CAB39L: variants seen among roughly 807,000 people sequenced by gnomAD.
The protein encoded by CAB39L is calcium binding protein 39 like.
A neutral mutation model predicts 39.1 loss-of-function variants in CAB39L; 23 were observed. The observed-to-expected ratio is 0.59, with a 90% confidence interval of 0.42 to 0.83. The LOEUF is 0.83. CAB39L is among the 40% of genes least tolerant of loss of function. CAB39L has a pLI of 0.00. For synonymous variants in CAB39L, 126 were observed against 137.2 expected (o/e 0.92, Z 0.57); for missense variants, 366 against 391.9 (o/e 0.93, Z 0.56).
At chr13:49,349,411 A>T (rs1955274410) in intron 7 of CAB39L, among the ~76,000 whole-genome samples, 1 of 151,028 alleles carries the variant, frequency 6.6e-6, no homozygotes. Context: ...TGTAAATAGA[A>T]CAATTAAATT....
At chr13:49,411,788 C>A (rs1271807780) in intron 3 of CAB39L, among the ~76,000 whole-genome samples, 1 of 152,096 alleles carries the variant, frequency 6.6e-6, no homozygotes, top group Non-Finnish European at 1.5e-5. Context: ...AAGCTGGAGA[C>A]CCATTCCTTA....
chr13:49,329,565 A>G (rs1414083978), intron 10 of CAB39L, among the ~76,000 whole-genome samples: 1 of 45,366 alleles, frequency 2.2e-5, no homozygotes, highest in Admixed American at 1.7e-4. Context: ...ATATATATAT[A>G]TATATATATA....
chr13:49,337,438 C>T (rs1175755964), intron 9 of CAB39L, among the ~76,000 whole-genome samples: 1 of 152,172 alleles, frequency 6.6e-6, no homozygotes, highest in Non-Finnish European at 1.5e-5. Flanking sequence ...TCTCCCTCCC[C>T]TCAGGGGCTC....
At chr13:49,339,609 A>G in intron 9 of CAB39L, 68 bp downstream of exon 9, 1 of 1,418,242 alleles carries the variant, frequency 7.1e-7, no homozygotes, top group Non-Finnish European at 9.2e-7. Flanking sequence ...TCATATACTA[A>G]TAGACCCGTC....
intron 10 of CAB39L, among the ~76,000 whole-genome samples, chr13:49,316,457 A>G (rs1954160689): frequency 6.6e-6 from 1 of 152,196 alleles, no homozygotes; most frequent in African/African-American, 2.4e-5. Flanking sequence ...AAATGGGAAC[A>G]CTTCCTAACT....
chr13:49,432,636 C>T (rs376095394), intron 3 of CAB39L, among the ~76,000 whole-genome samples: 1 of 152,024 alleles, frequency 6.6e-6, no homozygotes, highest in African/African-American at 2.4e-5. Context: ...ATGCATTGAT[C>T]GTACATTCCT....
intron 10 of CAB39L, among the ~76,000 whole-genome samples, chr13:49,312,515 G>A (rs995598442): frequency 7.2e-5 from 11 of 152,208 alleles, no homozygotes; most frequent in African/African-American, 2.7e-4. Flanking sequence ...ACAGGTTTGT[G>A]CTCTAGGCGC....
intron 3 of CAB39L, among the ~76,000 whole-genome samples, chr13:49,402,704 T>C (rs137951015): frequency 1.3e-5 from 2 of 152,260 alleles, no homozygotes; most frequent in Admixed American, 1.3e-4. Flanking sequence ...GAAAAATAAG[T>C]CAGTAAAAGT....
At chr13:49,358,453 G>C (rs1459126473) in intron 6 of CAB39L, among the ~76,000 whole-genome samples, 2 of 152,108 alleles carry the variant, frequency 1.3e-5, no homozygotes, top group African/African-American at 4.8e-5. Context: ...TGAAAAATTA[G>C]TATAAGCCCA....
At chr13:49,344,094 G>T in intron 8 of CAB39L, 85 bp downstream of exon 8, 1 of 812,974 alleles carries the variant, frequency 1.2e-6, no homozygotes, top group African/African-American at 1.7e-5. Flanking sequence ...TTCTCTTGTG[G>T]ATAATTCACA....
chr13:49,312,221 GA>G (rs936219572), intron 10 of CAB39L, among the ~76,000 whole-genome samples: 2 of 151,948 alleles, frequency 1.3e-5, no homozygotes, highest in African/African-American at 2.4e-5. Flanking sequence ...ATTAAAACAA[GA>G]AAAAAAATTT....
At chr13:49,441,444 A>G (rs538523071) in intron 1 of CAB39L, among the ~76,000 whole-genome samples, 159 of 151,712 alleles carry the variant, frequency 1.0e-3, no homozygotes, top group Admixed American at 2.4e-3. Flanking sequence ...GCACATATCT[A>G]TAGTCCCAGC....
At chr13:49,332,918 T>C (rs1380247844) in intron 9 of CAB39L, among the ~76,000 whole-genome samples, 1 of 152,048 alleles carries the variant, frequency 6.6e-6, no homozygotes, top group Non-Finnish European at 1.5e-5. Flanking sequence ...TCAATTGTCC[T>C]ATTTACTGGA....
intron 10 of CAB39L, among the ~76,000 whole-genome samples, chr13:49,311,890 ATGTATGTATT>A (rs1454476981): frequency 6.6e-6 from 1 of 152,142 alleles, no homozygotes; most frequent in African/African-American, 2.4e-5. Flanking sequence ...GGTTATTTTT[ATGTATGTATT>A]TATTTATTTT....
Position 49,310,762 on chromosome 13 carries a change from G to A in CAB39L, c.*52C>T. 1 of 1,580,086 alleles carries A rather than the reference G, an allele frequency of 6.3e-7. No individual in the cohort carries two copies. Among genetic ancestry groups the A allele is most frequent in the Non-Finnish European group, 8.6e-7 (1 of 1,158,216 alleles). On this transcript the variant is annotated 3_prime_UTR_variant, in exon 11 of 11. Coordinates refer to ENST00000409308, the MANE Select transcript of CAB39L (RefSeq NM_001079670.3). ...TGATGACTTTCTGAAATGACACACT[G>A]TACAAACTGGACAAATGAGACGACT...
At chr13:49,344,056 A>G (rs1955075971) in intron 8 of CAB39L, 123 bp downstream of exon 8, 1 of 685,324 alleles carries the variant, frequency 1.5e-6, no homozygotes, top group Admixed American at 2.9e-5. Flanking sequence ...AGGTAGACAA[A>G]TCAGGAGTAT....
At chr13:49,421,110 T>C (rs968207856) in intron 3 of CAB39L, among the ~76,000 whole-genome samples, 9 of 152,120 alleles carry the variant, frequency 5.9e-5, no homozygotes, top group Non-Finnish European at 1.2e-4. Flanking sequence ...TCCTGAATTT[T>C]CTTATTTTTG....
intron 10 of CAB39L, among the ~76,000 whole-genome samples, chr13:49,319,229 C>A (rs746979991): frequency 6.6e-6 from 1 of 151,920 alleles, no homozygotes; most frequent in Non-Finnish European, 1.5e-5. Context: ...GGTGACACAG[C>A]GAGACCCTGT....
intron 3 of CAB39L, among the ~76,000 whole-genome samples, chr13:49,396,918 G>A (rs570625969): frequency 6.6e-6 from 1 of 152,200 alleles, no homozygotes; most frequent in South Asian, 2.1e-4. Flanking sequence ...TAAAATGGGT[G>A]CATTTGATTA....
Sources: gnomAD v4.1 joint callset for allele counts (sites outside exome capture counted in the v4.1 genomes callset) on GRCh38, gnomAD v4.1.1 for gene constraint, MANE v1.5 for transcripts, NCBI Gene and HGNC (gene_info 2026-07-23, HGNC 2026-07-21) for gene names.